TFB1M: variants seen among roughly 807,000 people sequenced by gnomAD.
TFB1M encodes the protein dimethyladenosine transferase 1, mitochondrial.
A neutral mutation model predicts 31.1 loss-of-function variants in TFB1M; 27 were observed. That is an observed-to-expected ratio of 0.87 (90% CI 0.64 to 1.20). TFB1M has a LOEUF of 1.20. Ranked by LOEUF, TFB1M falls within the 50% of genes most tolerant of loss-of-function variation. The pLI is 0.00. For missense variants in TFB1M, 394 were observed against 418.7 expected (o/e 0.94, Z 0.51); for synonymous variants, 166 against 151.8 (o/e 1.09, Z -0.69).
At position 155,256,877 on chromosome 6, in the gene TFB1M, G is replaced by C. The variant is rs1393079089; in HGVS notation, c.*959C>G. ...CCGGAGTCGGGTGAGGGTCAGAAAGGAGGAGAGCAGCCCAAACTGGTCCGG... is the reference window on the plus strand; with the variant it reads ...CCGGAGTCGGGTGAGGGTCAGAAAGCAGGAGAGCAGCCCAAACTGGTCCGG... On this transcript the variant is annotated 3_prime_UTR_variant, in exon 7 of 7. Coordinates refer to ENST00000367166, the MANE Select transcript of TFB1M (RefSeq NM_016020.4). The C allele has an allele frequency of 3.7e-6, 6 of 1,614,064 alleles. No individual in the cohort carries two copies. Among genetic ancestry groups the C allele is most frequent in the Non-Finnish European group, 5.1e-6 (6 of 1,180,056 alleles).
chr6:155,237,726 CT>C, the TFB1M span, among the ~76,000 whole-genome samples: 1 of 152,216 alleles, frequency 6.6e-6, no homozygotes, highest in South Asian at 2.1e-4. Flanking sequence ...GGCTCAAGCT[CT>C]GTGTTGGCTC....
chr6:155,252,427 C>T (rs1417308957), downstream of TFB1M, among the ~76,000 whole-genome samples: 1 of 152,194 alleles, frequency 6.6e-6, no homozygotes. Flanking sequence ...CTTGATCATG[C>T]CACTGCATTC....
At chr6:155,233,402 G>A in the TFB1M span, among the ~76,000 whole-genome samples, 2 of 152,184 alleles carry the variant, frequency 1.3e-5, no homozygotes, top group Non-Finnish European at 2.9e-5. Flanking sequence ...GTGACTCAGA[G>A]CTTGGTTTGA....
At chr6:155,251,070 C>G in the TFB1M span, 3 of 1,534,522 alleles carry the variant, frequency 2.0e-6, no homozygotes, top group Admixed American at 5.0e-5. Context: ...GCTGGGATTA[C>G]GGAAGAACTT....
chr6:155,306,358 T>G (rs1777764909), intron 2 of TFB1M, among the ~76,000 whole-genome samples: 1 of 152,206 alleles, frequency 6.6e-6, no homozygotes, highest in South Asian at 2.1e-4. Flanking sequence ...ACCCGGATAT[T>G]CTACTCCTAG....
At chr6:155,240,621 C>T in the TFB1M span, 44 of 1,614,054 alleles carry the variant, frequency 2.7e-5, no homozygotes, top group South Asian at 5.5e-5. Context: ...GATCCTCCTC[C>T]GAGGTCTCTG....
At chr6:155,271,239 T>C (rs1413376540) in intron 5 of TFB1M, among the ~76,000 whole-genome samples, 3 of 152,210 alleles carry the variant, frequency 2.0e-5, no homozygotes, top group Non-Finnish European at 4.4e-5. Context: ...ATTTATAGCT[T>C]GTAGAATAAA....
intron 4 of TFB1M, among the ~76,000 whole-genome samples, chr6:155,287,300 C>T (rs1334641609): frequency 6.6e-6 from 1 of 151,952 alleles, no homozygotes; most frequent in Non-Finnish European, 1.5e-5. Flanking sequence ...TCCTAGAGCA[C>T]AGCGTACATA....
At chr6:155,272,864 C>T (rs1371046354) in intron 5 of TFB1M, among the ~76,000 whole-genome samples, 1 of 152,168 alleles carries the variant, frequency 6.6e-6, no homozygotes, top group Non-Finnish European at 1.5e-5. Context: ...AAACTGTCTT[C>T]ATGTCTGAAA....
At chr6:155,240,430 C>T in the TFB1M span, 590,583 of 1,293,040 alleles carry the variant, frequency 0.46, 142,676 homozygotes, top group Middle Eastern at 0.56. Context: ...CCTCTGAGAT[C>T]CCTGCTGAGC....
intron 2 of TFB1M, among the ~76,000 whole-genome samples, chr6:155,299,202 T>C (rs1171115122): frequency 1.3e-5 from 2 of 152,174 alleles, no homozygotes; most frequent in African/African-American, 2.4e-5. Context: ...CCCTGGATGT[T>C]TAACAATAGC....
At chr6:155,242,683 A>G in the TFB1M span, among the ~76,000 whole-genome samples, 3 of 152,198 alleles carry the variant, frequency 2.0e-5, no homozygotes, top group Non-Finnish European at 4.4e-5. Context: ...TCTTCAGAAT[A>G]AAAGAGAAAT....
At chr6:155,232,846 A>G in the TFB1M span, 1 of 152,248 alleles carries the variant, frequency 6.6e-6, no homozygotes, top group African/African-American at 2.4e-5. Flanking sequence ...CTCCCCCAAC[A>G]TACTTTTCCT....
chr6:155,285,441 T>C (rs1321866720), intron 4 of TFB1M, among the ~76,000 whole-genome samples, 164 bp from the exon 5 acceptor site: 1 of 152,194 alleles, frequency 6.6e-6, no homozygotes, highest in East Asian at 1.9e-4. Flanking sequence ...TGGGGAATAT[T>C]TTCCTCCAAC....
At chr6:155,229,928 A>G in the TFB1M span, among the ~76,000 whole-genome samples, 1 of 152,058 alleles carries the variant, frequency 6.6e-6, no homozygotes, top group African/African-American at 2.4e-5. Context: ...CTTATTCACT[A>G]TCACGAGTAC....
At chr6:155,275,080 G>A (rs1038397681) in intron 5 of TFB1M, among the ~76,000 whole-genome samples, 1 of 151,272 alleles carries the variant, frequency 6.6e-6, no homozygotes, top group African/African-American at 2.4e-5. Context: ...AAAAAAATTA[G>A]CCGGGCATGG....
rs962959910 is a variant in TFB1M, at chr6:155,257,778, A to G, written c.*58T>C. On this transcript the variant is annotated 3_prime_UTR_variant, in exon 7 of 7. Transcript: ENST00000367166. ...TGTAAAGACAAAAGAGTACCTATAT[A>G]AGAAGCTCCACGTAGTGCAAATCGA... 1 of 1,605,248 alleles carries G rather than the reference A, an allele frequency of 6.2e-7. No homozygotes were observed. Among genetic ancestry groups the G allele is most frequent in the African/African-American group, 1.3e-5 (1 of 74,404 alleles).
chr6:155,248,847 T>C, the TFB1M span, among the ~76,000 whole-genome samples: 2 of 152,216 alleles, frequency 1.3e-5, no homozygotes, highest in South Asian at 2.1e-4. Flanking sequence ...AATTAAACCA[T>C]AGGTGATAAA....
At chr6:155,252,634 A>G (rs764957139), downstream of TFB1M, among the ~76,000 whole-genome samples, 11 of 152,214 alleles carry the variant, frequency 7.2e-5, no homozygotes, top group Non-Finnish European at 1.0e-4. Flanking sequence ...GAAAAAAGCA[A>G]AGCCTAGCTG....
Sources: allele counts gnomAD v4.1 joint callset (sites outside exome capture counted in the v4.1 genomes callset), GRCh38; gene constraint gnomAD v4.1.1; transcripts MANE v1.5; gene names NCBI Gene and HGNC (gene_info 2026-07-23, HGNC 2026-07-21).